The following FGF14 variants were observed in gnomAD, a reference collection of about 807,000 sequenced individuals.
FGF14 encodes fibroblast growth factor 14.
In FGF14, 5 loss-of-function variants were observed where a neutral mutation model predicts 25.5. That is an observed-to-expected ratio of 0.20 (90% CI 0.10 to 0.41). The LOEUF (loss-of-function observed/expected upper bound fraction) is 0.41. FGF14 is among the 10% of genes least tolerant of loss of function. The probability of loss-of-function intolerance (pLI) is 1.00; values close to 1 mark genes in which losing one functional copy is unlikely to be tolerated. For synonymous variants in FGF14, 138 were observed against 118.3 expected (o/e 1.17, Z -1.08); for missense variants, 222 against 320.1 (o/e 0.69, Z 2.34).
At chr13:101,791,578 AAGG>A (rs1202641352) in intron 3 of FGF14, among the ~76,000 whole-genome samples, 1 of 152,110 alleles carries the variant, frequency 6.6e-6, no homozygotes, top group Admixed American at 6.6e-5. Flanking sequence ...CCTTACAAGC[AAGG>A]AGATTATTAT....
intron 1 of FGF14, among the ~76,000 whole-genome samples, chr13:102,389,196 T>C (rs867259956): frequency 1.3e-5 from 2 of 152,246 alleles, no homozygotes; most frequent in East Asian, 1.9e-4. Flanking sequence ...TTTAGTTTTA[T>C]TACTTGTGGG....
chr13:101,921,069 TA>T (rs869223116), upstream of FGF14, among the ~76,000 whole-genome samples: 6,603 of 63,238 alleles, frequency 0.1, 497 homozygotes, highest in African/African-American at 0.44. Context: ...TCTTGATGAT[TA>T]AAAAAAAAAA....
rs528601127 is a variant in FGF14 at position 102,329,399 on chromosome 13, C to T, written c.208+72072G>A. 1.1e-4 allele frequency among the ~76,000 whole-genome samples: 17 copies of T among 152,258 alleles called. No homozygotes were observed. In the East Asian group the frequency reaches 1.7e-3, roughly 16 times the overall value. On this transcript the variant is annotated intron_variant, in intron 1 of 4. Transcript: ENST00000376131. ...CCAGATCTCTCTCCATTCCCCCTCC[C>T]GAAAGACCTATAGCTCTTCTGCACT...
chr13:102,237,136 T>C (rs983601605), intron 1 of FGF14, among the ~76,000 whole-genome samples: 3 of 152,218 alleles, frequency 2.0e-5, no homozygotes, highest in Non-Finnish European at 4.4e-5. Flanking sequence ...AGCTTAGTGT[T>C]GTCCACCACA....
intron 1 of FGF14, among the ~76,000 whole-genome samples, chr13:102,044,489 G>A (rs2041891215): frequency 6.6e-6 from 1 of 152,018 alleles, no homozygotes; most frequent in Admixed American, 6.6e-5. Flanking sequence ...CTATTTGCCA[G>A]ATCATCGATC....
intron 1 of FGF14, among the ~76,000 whole-genome samples, chr13:102,009,491 C>A (rs1441349200): frequency 1.3e-5 from 2 of 151,912 alleles, no homozygotes; most frequent in Non-Finnish European, 2.9e-5. Flanking sequence ...TACACATGTT[C>A]TAAATTATTT....
At chr13:101,791,954 G>A (rs2040259817) in intron 3 of FGF14, among the ~76,000 whole-genome samples, 1 of 152,102 alleles carries the variant, frequency 6.6e-6, no homozygotes, top group South Asian at 2.1e-4. Flanking sequence ...TTTCCCTAGA[G>A]AATGATGCAA....
intron 1 of FGF14, among the ~76,000 whole-genome samples, chr13:101,938,466 T>C (rs903989666): frequency 1.3e-5 from 2 of 152,186 alleles, no homozygotes; most frequent in African/African-American, 4.8e-5. Context: ...GACATGAATA[T>C]GGAAAGAACA....
chr13:101,741,053 T>C (rs918871672), intron 3 of FGF14, among the ~76,000 whole-genome samples: 3 of 152,204 alleles, frequency 2.0e-5, no homozygotes, highest in Non-Finnish European at 4.4e-5. Flanking sequence ...ATGGCCATGA[T>C]AGACTTCCCA....
chr13:101,983,659 T>C (rs574371968), intron 1 of FGF14, among the ~76,000 whole-genome samples: 15 of 152,164 alleles, frequency 9.9e-5, no homozygotes, highest in African/African-American at 3.6e-4. Context: ...GAATACTTTA[T>C]GAAATGAAGA....
At chr13:101,799,684 G>A (rs899290734) in intron 3 of FGF14, among the ~76,000 whole-genome samples, 1 of 151,996 alleles carries the variant, frequency 6.6e-6, no homozygotes, top group Non-Finnish European at 1.5e-5. Flanking sequence ...GCTCTACCTG[G>A]CAGACCCTTC....
chr13:101,954,212 T>C (rs1354891042), intron 1 of FGF14, among the ~76,000 whole-genome samples: 5 of 145,858 alleles, frequency 3.4e-5, no homozygotes, highest in Admixed American at 2.9e-4. Context: ...CTCAACTCTG[T>C]AACGTCAAAA....
intron 1 of FGF14, among the ~76,000 whole-genome samples, chr13:102,038,697 A>C (rs2041590330): frequency 6.6e-6 from 1 of 152,140 alleles, no homozygotes; most frequent in Admixed American, 6.5e-5. Context: ...AGACAGTCAG[A>C]TCCATTTTAT....
intron 1 of FGF14, among the ~76,000 whole-genome samples, chr13:102,392,781 G>C (rs1385665121): frequency 6.6e-6 from 1 of 152,122 alleles, no homozygotes; most frequent in African/African-American, 2.4e-5. Context: ...CCTCTCTAGT[G>C]CCTGTCACTG....
chr13:101,910,692 A>G (rs901618935), intron 1 of FGF14, among the ~76,000 whole-genome samples: 9 of 152,106 alleles, frequency 5.9e-5, no homozygotes, highest in Admixed American at 1.3e-4. Flanking sequence ...AAATGGTGAC[A>G]TTTTCATGTG....
chr13:102,219,363 A>C (rs2050511867), intron 1 of FGF14, among the ~76,000 whole-genome samples: 1 of 152,088 alleles, frequency 6.6e-6, no homozygotes, highest in Non-Finnish European at 1.5e-5. Flanking sequence ...TGCAATGGTT[A>C]CCCCAGAGAC....
chr13:102,258,556 T>C (rs1414481088), intron 1 of FGF14, among the ~76,000 whole-genome samples: 1 of 152,102 alleles, frequency 6.6e-6, no homozygotes, highest in African/African-American at 2.4e-5. Flanking sequence ...TGTTTATTTA[T>C]TGCCCCCATA....
chr13:102,113,739 T>C (rs929945437), intron 1 of FGF14, among the ~76,000 whole-genome samples: 2 of 152,198 alleles, frequency 1.3e-5, no homozygotes. Flanking sequence ...TCCACCCCTT[T>C]ACCCTCAGAG....
At chr13:102,181,517 A>G (rs1291695694) in intron 1 of FGF14, among the ~76,000 whole-genome samples, 1 of 152,184 alleles carries the variant, frequency 6.6e-6, no homozygotes, top group African/African-American at 2.4e-5. Context: ...CTGATGCCTT[A>G]TAAGAAGAGG....
Sources: allele counts gnomAD v4.1 joint callset (sites outside exome capture counted in the v4.1 genomes callset), GRCh38; gene constraint gnomAD v4.1.1; transcripts MANE v1.5; gene names NCBI Gene and HGNC (gene_info 2026-07-23, HGNC 2026-07-21).